Variants in CALB1 observed in about 807,000 individuals in gnomAD.
The protein encoded by CALB1 is calbindin.
Under a neutral mutation model 46.7 loss-of-function variants are expected in CALB1, and 16 were observed. The observed-to-expected ratio is 0.34, with a 90% CI of 0.23 to 0.52. CALB1 has a LOEUF of 0.52. CALB1 is among the 20% of genes least tolerant of loss of function. The pLI is 0.95. For missense variants in CALB1, 224 were observed against 300.3 expected (o/e 0.75, Z 1.88); for synonymous variants, 90 against 112.8 (o/e 0.80, Z 1.28).
At chr8:90,072,618 C>CT (rs2130241538) in intron 3 of CALB1, among the ~76,000 whole-genome samples, 1 of 152,262 alleles carries the variant, frequency 6.6e-6, no homozygotes, top group South Asian at 2.1e-4. Context: ...CGGTTCTTCT[C>CT]TCAATGCGTA....
chr8:90,078,106 TG>T (rs1285927816), intron 3 of CALB1, among the ~76,000 whole-genome samples: 2 of 152,076 alleles, frequency 1.3e-5, no homozygotes, highest in Admixed American at 1.3e-4. Context: ...AGCAAATAGC[TG>T]TATGACCAGA....
chr8:90,078,010 A>C (rs1814650717), intron 3 of CALB1, among the ~76,000 whole-genome samples: 1 of 152,070 alleles, frequency 6.6e-6, no homozygotes. Context: ...GTGCTTAGAC[A>C]CTGTATGGAA....
chr8:90,082,197 G>C lies in CALB1; in HGVS notation c.80-95C>G, dbSNP rs531534135. ...GACAGTTATCTTTCTGGCGACCCGA[G>C]AGGCTCTCTCTTGCCTGGACGTTGA... On this transcript the variant is annotated intron_variant, in intron 1 of 10. Transcript: ENST00000265431. 123 of 1,099,798 alleles carry C rather than the reference G, an allele frequency of 1.1e-4. 1 individual carries two copies. The Admixed American group carries it at 1.9e-3, about 17-fold the overall frequency. The allele number at this position is 1,099,798 out of a possible 1,614,324, so 68.1% of individuals were successfully genotyped here.
At chr8:90,065,257 G>A (rs1471783778) in intron 6 of CALB1, among the ~76,000 whole-genome samples, 2 of 151,212 alleles carry the variant, frequency 1.3e-5, no homozygotes, top group African/African-American at 4.9e-5. Flanking sequence ...AACAGTAAGT[G>A]CCTATGTGTA....
intron 3 of CALB1, among the ~76,000 whole-genome samples, chr8:90,074,463 G>A (rs2130244602): frequency 6.6e-6 from 1 of 152,210 alleles, no homozygotes; most frequent in African/African-American, 2.4e-5. Flanking sequence ...TAGAGACTCT[G>A]TCCCTTACCT....
chr8:90,068,483 A>T (rs576864996), intron 5 of CALB1, among the ~76,000 whole-genome samples: 1 of 152,306 alleles, frequency 6.6e-6, no homozygotes, highest in South Asian at 2.1e-4. Flanking sequence ...TTGCACATCA[A>T]GGCTCTGTCC....
chr8:90,081,550 A>G (rs983595095), intron 2 of CALB1: 10 of 665,198 alleles, frequency 1.5e-5, no homozygotes, highest in Non-Finnish European at 1.9e-5. Context: ...ATGCATTTCC[A>G]CCCCCTTATT....
chr8:90,060,048 C>G lies in CALB1; in HGVS notation c.*125G>C. 1.5e-6 allele frequency: 1 copy of G among 657,656 alleles called. No homozygotes were observed. Among genetic ancestry groups the G allele is most frequent in the Non-Finnish European group, 2.7e-6 (1 of 366,186 alleles). 40.7% of individuals were successfully genotyped at this position (657,656 alleles called of 1,614,324 possible). ...AAGCTGAAAAGAATGAGCCACACAT[C>G]CTGGATAATTATCTATATGCAGTTA... On this transcript the variant is annotated 3_prime_UTR_variant, in exon 11 of 11. Transcript: ENST00000265431.
intron 5 of CALB1, among the ~76,000 whole-genome samples, chr8:90,068,090 G>T (rs1814432883): frequency 6.6e-6 from 1 of 152,090 alleles, no homozygotes. Context: ...GAAATGAGAA[G>T]AATACTTCCA....
chr8:90,061,482 C>T (rs187576431), intron 9 of CALB1: 2 of 151,990 alleles, frequency 1.3e-5, no homozygotes, highest in Non-Finnish European at 2.9e-5. Flanking sequence ...AGAGAAAACC[C>T]TAAAGACCTC....
chr8:90,065,064 C>T (rs888028320), intron 6 of CALB1, among the ~76,000 whole-genome samples: 1 of 151,662 alleles, frequency 6.6e-6, no homozygotes, highest in African/African-American at 2.4e-5. Flanking sequence ...TGATGTAAAT[C>T]CATGGAGTAA....
At chr8:90,081,240 CACCATCAAT>C (rs1167516551) in intron 2 of CALB1, among the ~76,000 whole-genome samples, 1 of 152,160 alleles carries the variant, frequency 6.6e-6, no homozygotes, top group Non-Finnish European at 1.5e-5. Flanking sequence ...ATTTTCAAAA[CACCATCAAT>C]TGCTGCCCAT....
At chr8:90,064,625 C>T (rs1814357662) in intron 6 of CALB1, among the ~76,000 whole-genome samples, 1 of 151,506 alleles carries the variant, frequency 6.6e-6, no homozygotes, top group Admixed American at 6.6e-5. Context: ...AAGATTGGAA[C>T]AAAATAGAAA....
chr8:90,064,460 CG>C (rs1814354974), intron 6 of CALB1: 1 of 151,588 alleles, frequency 6.6e-6, no homozygotes, highest in Admixed American at 6.6e-5. Flanking sequence ...AATTAGCTCT[CG>C]ATTAATTTGC....
chr8:90,058,923 ACAAT>A lies in CALB1; in HGVS notation c.*1246_*1249del, dbSNP rs1026119102. On this transcript the variant is annotated 3_prime_UTR_variant, in exon 11 of 11. Transcript: ENST00000265431. ...CACATCTCTCATAGCTCCCTGTTTC[ACAAT>A]CAAAGAAATCTAAAATCACCAACTG... 6.6e-6 allele frequency: 1 copy of A among 152,212 alleles called. No homozygotes were observed. Among genetic ancestry groups the A allele is most frequent in the Non-Finnish European group, 1.5e-5 (1 of 68,032 alleles). The allele number at this position is 152,212 out of a possible 1,614,324, so 9.4% of individuals were successfully genotyped here. A position where few individuals can be genotyped will look rare whatever the true frequency, so the allele number is the denominator to read the frequency against.
intron 3 of CALB1, among the ~76,000 whole-genome samples, chr8:90,075,954 G>A (rs1814616451): frequency 6.6e-6 from 1 of 151,950 alleles, no homozygotes; most frequent in African/African-American, 2.4e-5. Context: ...CCTGCAAATG[G>A]GACCTTGGAT....
intron 3 of CALB1, among the ~76,000 whole-genome samples, chr8:90,074,996 C>T (rs571394206): frequency 1.4e-4 from 22 of 152,234 alleles, no homozygotes; most frequent in East Asian, 1.4e-3. Flanking sequence ...TGAATAAATT[C>T]GGAACATTTT....
intron 6 of CALB1, chr8:90,063,669 G>T: frequency 2.0e-6 from 1 of 501,854 alleles, no homozygotes; most frequent in Non-Finnish European, 3.5e-6. Context: ...ATATAGAATA[G>T]TCAAACAGAG....
intron 3 of CALB1, 123 bp downstream of exon 3, chr8:90,078,250 T>C (rs1467566345): frequency 3.3e-6 from 2 of 613,836 alleles, no homozygotes; most frequent in African/African-American, 3.9e-5. Context: ...GAAGATAATG[T>C]ATTACTTAGG....
Sources: allele counts gnomAD v4.1 joint callset (sites outside exome capture counted in the v4.1 genomes callset), GRCh38; gene constraint gnomAD v4.1.1; transcripts MANE v1.5; gene names NCBI Gene and HGNC (gene_info 2026-07-23, HGNC 2026-07-21).